DUSP16: variants seen among roughly 807,000 people sequenced by gnomAD.
The protein encoded by DUSP16 is dual specificity protein phosphatase 16.
In DUSP16, 21 loss-of-function variants were observed where a neutral mutation model predicts 58.3. The ratio of observed to expected loss-of-function variants is 0.36; its 90% CI spans 0.26 to 0.52. The LOEUF (loss-of-function observed/expected upper bound fraction) is 0.52. DUSP16 is among the 20% of genes least tolerant of loss of function. The pLI, the probability that DUSP16 is intolerant of heterozygous loss-of-function variation, is 0.94. For synonymous variants in DUSP16, 320 were observed against 323.8 expected (o/e 0.99, Z 0.12); for missense variants, 726 against 819.0 (o/e 0.89, Z 1.39).
chr12:12,539,375 A>G (rs1030676730), intron 1 of DUSP16, among the ~76,000 whole-genome samples: 23 of 152,232 alleles, frequency 1.5e-4, no homozygotes, highest in Non-Finnish European at 3.4e-4. Context: ...GCTGGGGCAC[A>G]GAGCCCAATT....
At chr12:12,549,272 G>A (rs1049618665) in intron 1 of DUSP16, among the ~76,000 whole-genome samples, 4 of 151,912 alleles carry the variant, frequency 2.6e-5, no homozygotes, top group African/African-American at 9.7e-5. Flanking sequence ...CTGGTAAGTT[G>A]CTAAAAGGCA....
chr12:12,530,274 AT>A (rs1008988243), intron 1 of DUSP16, among the ~76,000 whole-genome samples: 1 of 152,118 alleles, frequency 6.6e-6, no homozygotes, highest in African/African-American at 2.4e-5. Flanking sequence ...GATGCTGAGC[AT>A]TTTTTCATAG....
chr12:12,509,004 A>G (rs1944036914), intron 3 of DUSP16, among the ~76,000 whole-genome samples: 1 of 152,232 alleles, frequency 6.6e-6, no homozygotes, highest in Non-Finnish European at 1.5e-5. Flanking sequence ...TCAAGAAGGA[A>G]GAGTTCTCAG....
intron 3 of DUSP16, among the ~76,000 whole-genome samples, chr12:12,519,468 A>G (rs1944198643): frequency 6.6e-6 from 1 of 152,224 alleles, no homozygotes; most frequent in Admixed American, 6.5e-5. Flanking sequence ...AGAGTTTGAC[A>G]CTGTAATATT....
At chr12:12,529,075 C>G (rs1431261634) in intron 1 of DUSP16, among the ~76,000 whole-genome samples, 2 of 152,158 alleles carry the variant, frequency 1.3e-5, no homozygotes, top group Non-Finnish European at 2.9e-5. Flanking sequence ...ATGGTTATAT[C>G]TATTGGAAAT....
intron 1 of DUSP16, among the ~76,000 whole-genome samples, chr12:12,527,868 C>T (rs766462779): frequency 1.3e-5 from 2 of 152,174 alleles, no homozygotes; most frequent in African/African-American, 2.4e-5. Context: ...AGCCGCCCCT[C>T]CAATCAGAGG....
chr12:12,549,285 C>G (rs1041378863), intron 1 of DUSP16, among the ~76,000 whole-genome samples: 1 of 151,856 alleles, frequency 6.6e-6, no homozygotes, highest in African/African-American at 2.4e-5. Context: ...AAAAGGCAGA[C>G]TATCTAGTAT....
At chr12:12,514,615 C>T (rs10845570) in intron 3 of DUSP16, among the ~76,000 whole-genome samples, 10,949 of 152,170 alleles carry the variant, frequency 0.072, 834 homozygotes, top group East Asian at 0.38. Flanking sequence ...AGAACAGGCC[C>T]GGCACATGGC....
intron 3 of DUSP16, among the ~76,000 whole-genome samples, chr12:12,506,392 T>C (rs1340016744): frequency 1.3e-5 from 2 of 152,200 alleles, no homozygotes; most frequent in Non-Finnish European, 2.9e-5. Flanking sequence ...CCAAGCTAGA[T>C]TCCATTACAA....
chr12:12,555,494 C>T (rs1944793293), intron 1 of DUSP16, among the ~76,000 whole-genome samples: 1 of 152,184 alleles, frequency 6.6e-6, no homozygotes, highest in African/African-American at 2.4e-5. Context: ...ACAACGCACA[C>T]TGTAAGTAGC....
At chr12:12,524,002 G>C (rs1289545336) in intron 1 of DUSP16, among the ~76,000 whole-genome samples, 1 of 152,186 alleles carries the variant, frequency 6.6e-6, no homozygotes, top group African/African-American at 2.4e-5. Context: ...ATAAAATCCG[G>C]ATGGGACAAA....
Position 12,505,221 on chromosome 12 carries a change from A to G in DUSP16, c.368-4539T>C, listed in dbSNP as rs75033432. Among the ~76,000 whole-genome samples the G allele has an allele frequency of 1.2e-4, 18 of 152,312 alleles. No homozygotes were observed. In the East Asian group the frequency reaches 3.5e-3, roughly 29 times the overall value. On this transcript the variant is annotated intron_variant, in intron 3 of 6. Transcript: ENST00000298573. ...TTATAAGTCTACTTTTCTAAATCCT[A>G]TGGAATTACTTTCAACTCTCCCTTG...
chr12:12,538,513 T>G (rs992312120), intron 1 of DUSP16, among the ~76,000 whole-genome samples: 3 of 152,126 alleles, frequency 2.0e-5, no homozygotes, highest in Non-Finnish European at 4.4e-5. Flanking sequence ...TTCTAGGGAG[T>G]GTGCTTTCCA....
rs1428562277 is a variant in DUSP16, at chr12:12,500,512, C to T, written c.531+7G>A. On this transcript the variant is annotated splice_region_variant and intron_variant, in intron 4 of 6. Transcript: ENST00000298573. ...CCAGCAATGAAGGATATTTTCAAAG[C>T]ACCCACCTTGTTGAGGACATCTCGC... 1 of 1,597,532 alleles carries T rather than the reference C, an allele frequency of 6.3e-7. No individual in the cohort carries two copies. The highest frequency in any genetic ancestry group is 8.5e-7 in the Non-Finnish European group (1 of 1,174,078).
At chr12:12,511,790 C>A (rs1256063143) in intron 3 of DUSP16, among the ~76,000 whole-genome samples, 2 of 151,956 alleles carry the variant, frequency 1.3e-5, no homozygotes, top group Admixed American at 1.3e-4. Flanking sequence ...CAGTCCAAGG[C>A]ACAGCCATGG....
intron 1 of DUSP16, among the ~76,000 whole-genome samples, chr12:12,551,971 C>T (rs1407695850): frequency 2.0e-5 from 3 of 152,076 alleles, no homozygotes; most frequent in South Asian, 2.1e-4. Context: ...GGATTACAGG[C>T]GTAAGCCACT....
chr12:12,519,761 C>T, intron 3 of DUSP16, 101 bp downstream of exon 3: 5 of 1,198,834 alleles, frequency 4.2e-6, no homozygotes, highest in Non-Finnish European at 5.9e-6. Flanking sequence ...TTTTACACAG[C>T]AAAGTTGGGA....
chr12:12,540,231 G>A (rs1944531238), intron 1 of DUSP16, among the ~76,000 whole-genome samples: 2 of 151,870 alleles, frequency 1.3e-5, no homozygotes, highest in African/African-American at 4.8e-5. Flanking sequence ...GGAGGTTGCT[G>A]CAAGGCTACT....
intron 1 of DUSP16, among the ~76,000 whole-genome samples, chr12:12,547,425 C>T (rs1312592668): frequency 1.6e-5 from 1 of 61,146 alleles, no homozygotes; most frequent in Non-Finnish European, 2.9e-5. Flanking sequence ...GACTTGGTCT[C>T]AAAACAAACA....
Sources: gnomAD v4.1 joint callset for allele counts (sites outside exome capture counted in the v4.1 genomes callset) on GRCh38, gnomAD v4.1.1 for gene constraint, MANE v1.5 for transcripts, NCBI Gene and HGNC (gene_info 2026-07-23, HGNC 2026-07-21) for gene names.